The following MYH15 variants were observed in gnomAD, a reference collection of about 807,000 sequenced individuals.
MYH15 encodes the protein myosin heavy chain 15, also known as myosin-15.
Under a neutral mutation model 240.5 loss-of-function variants are expected in MYH15, and 227 were observed. The observed-to-expected ratio is 0.94, with a 90% CI of 0.85 to 1.05. The LOEUF is 1.05. Among genes scored for constraint, MYH15 ranks in the 50% least tolerant of loss-of-function variants. MYH15 has a pLI of 0.00. For synonymous variants in MYH15, 785 were observed against 796.7 expected, an observed-to-expected ratio of 0.99 and a Z score of 0.25; for missense variants, 2,217 against 2,247.5, an observed-to-expected ratio of 0.99 and a Z score of 0.27.
At position 108,455,763 on chromosome 3, in the gene MYH15, A is replaced by G. The variant is rs755262522; in HGVS notation, c.2235T>C (p.His745=). The change falls in exon 20 of 41, where the codon CAT becomes CAC. Residue 745 remains histidine (H), a synonymous_variant. Transcript: ENST00000693548. ...TAGTGATTCCAAATCGGTACTGGGTATGGTCTATCTCCAAGGAGCCAAGTA... is the reference window on the plus strand; with the variant it reads ...TAGTGATTCCAAATCGGTACTGGGTGTGGTCTATCTCCAAGGAGCCAAGTA... ...EELLGSLEID[H]TQYRFGITKV... is the part of the protein sequence containing the mutation. 9 of 1,613,722 alleles carry G rather than the reference A, an allele frequency of 5.6e-6. No homozygotes were observed. The highest frequency in any genetic ancestry group is 2.7e-5 in the African/African-American group (2 of 74,910).
chr3:108,441,052 T>C lies in MYH15; in HGVS notation c.2864A>G (p.Lys955Arg). The change falls in exon 23 of 41, where the codon AAG becomes AGG. Residue 955 changes from lysine (K) to arginine (R), a missense_variant. Lys to Arg is a conservative substitution (Grantham distance 26). Transcript: ENST00000693548. ...EIDDLETMLV[K>R]SEKEKRTTEH... ...TGTAGTACGCTTCTCCTTCTCTGAC[T>C]TCACCAACATTGTTTCCAGGTCATC... 1 of 1,614,170 alleles carries C rather than the reference T, an allele frequency of 6.2e-7. No homozygotes were observed. The highest frequency in any genetic ancestry group is 8.5e-7 in the Non-Finnish European group (1 of 1,180,004).
Position 108,423,366 on chromosome 3 carries a change from G to A in MYH15, c.3703-2152C>T, listed in dbSNP as rs116273454. ...TGTTATGTAGTTCCAGTTCACAGATGTCCTACAGCACACCCAAGCTTGGTA... is the reference window on the plus strand; with the variant it reads ...TGTTATGTAGTTCCAGTTCACAGATATCCTACAGCACACCCAAGCTTGGTA... On this transcript the variant is annotated intron_variant, in intron 27 of 40. Coordinates refer to ENST00000693548, the MANE Select transcript of MYH15 (RefSeq NM_014981.3). 4.8e-3 allele frequency among the ~76,000 whole-genome samples: 724 copies of A among 152,288 alleles called. 12 individuals are homozygous for A. Among genetic ancestry groups the A allele is most frequent in the Admixed American group, 0.026 (401 of 15,292 alleles).
intron 33 of MYH15, among the ~76,000 whole-genome samples, chr3:108,400,627 G>A (rs570307847): frequency 2.6e-5 from 4 of 152,172 alleles, no homozygotes; most frequent in South Asian, 2.1e-4. Flanking sequence ...TGGCCAACAC[G>A]GTGAAATCCC....
At chr3:108,478,939 T>C (rs933658216) in intron 11 of MYH15, among the ~76,000 whole-genome samples, 1 of 152,276 alleles carries the variant, frequency 6.6e-6, no homozygotes, top group South Asian at 2.1e-4. Flanking sequence ...ACTCCAGAGA[T>C]AGTTGAGTAT....
intron 26 of MYH15, among the ~76,000 whole-genome samples, chr3:108,430,269 G>A (rs2082767814): frequency 6.6e-6 from 1 of 152,160 alleles, no homozygotes; most frequent in African/African-American, 2.4e-5. Flanking sequence ...ATCTAAATGT[G>A]TATGTGTGCA....
chr3:108,473,782 T>C (rs774976490), intron 12 of MYH15, among the ~76,000 whole-genome samples: 30 of 152,300 alleles, frequency 2.0e-4, no homozygotes, highest in Admixed American at 6.5e-4. Context: ...AGATCCTTAG[T>C]TCTTGATAGT....
At chr3:108,474,466 A>AT (rs1443725940) in intron 12 of MYH15, among the ~76,000 whole-genome samples, 2 of 144,256 alleles carry the variant, frequency 1.4e-5, no homozygotes, top group African/African-American at 2.6e-5. Context: ...TTTTTTTTTT[A>AT]TTTTTTATTT....
At chr3:108,547,016 C>T in the MYH15 span, among the ~76,000 whole-genome samples, 2 of 151,860 alleles carry the variant, frequency 1.3e-5, no homozygotes, top group African/African-American at 4.8e-5. Context: ...ATTTCAAGGA[C>T]TTATCATGCT....
Position 108,444,733 on chromosome 3 carries a change from G to C in MYH15, c.2562C>G (p.Ala854=). Residue 854 remains alanine, a synonymous_variant, in exon 22 of 41, where the codon GCC becomes GCG. Coordinates refer to ENST00000693548, the MANE Select transcript of MYH15 (RefSeq NM_014981.3). ...CCCTCTGAAACTCTGATTTCTCCAA[G>C]GCTTTCTGTAATTGTGCACACTCTT... ...LKEECAQLQK[A]LEKSEFQREE... 3 of 1,613,926 alleles carry C rather than the reference G, an allele frequency of 1.9e-6. No homozygotes were observed. The highest frequency in any genetic ancestry group is 2.5e-6 in the Non-Finnish European group (3 of 1,179,936).
chr3:108,492,445 A>T, intron 9 of MYH15, 55 bp downstream of exon 9: 1 of 1,316,604 alleles, frequency 7.6e-7, no homozygotes, highest in Non-Finnish European at 1.1e-6. Context: ...TCCCCCAAAT[A>T]TGACTTATTT....
the MYH15 span, among the ~76,000 whole-genome samples, chr3:108,542,988 C>A: frequency 6.7e-6 from 1 of 149,712 alleles, no homozygotes; most frequent in Non-Finnish European, 1.5e-5. Context: ...TCAAGTGATT[C>A]TCCTGCCTCA....
rs144717121 is a variant in MYH15, at chr3:108,403,206, C to T, written c.4736+2132G>A. ...AGGCTGGGCTCATTCAGAATCAGGCCTCACCAGAGTGGAAGACATGGCTTG... is the reference window on the plus strand; with the variant it reads ...AGGCTGGGCTCATTCAGAATCAGGCTTCACCAGAGTGGAAGACATGGCTTG... On this transcript the variant is annotated intron_variant, in intron 33 of 40. Coordinates refer to ENST00000693548, the MANE Select transcript of MYH15 (RefSeq NM_014981.3). 7.4e-4 allele frequency among the ~76,000 whole-genome samples: 112 copies of T among 152,308 alleles called. 1 individual carries two copies. In the East Asian group the frequency reaches 0.021, roughly 28 times the overall value.
At chr3:108,496,704 T>G (rs1362973913) in intron 6 of MYH15, among the ~76,000 whole-genome samples, 1 of 151,644 alleles carries the variant, frequency 6.6e-6, no homozygotes, top group Non-Finnish European at 1.5e-5. Flanking sequence ...ACATTATATA[T>G]ATATGAGCAA....
At position 108,463,120 on chromosome 3, in the gene MYH15, T is replaced by C. The variant is rs1418094358; in HGVS notation, c.1855A>G (p.Thr619Ala). ...LASLFENYMS[T>A]DSAIPFGEKK... ...AGATTGTATGACTCACCACTGTCAG[T>C]ACTCATGTAATTTTCAAAAAGGCTC... The change falls in exon 16 of 41, where the codon ACT becomes GCT. Residue 619 changes from threonine to alanine, a missense_variant. By Grantham distance (58) the Thr-to-Ala change is moderately conservative (BLOSUM62 0). Coordinates refer to ENST00000693548, the MANE Select transcript of MYH15 (RefSeq NM_014981.3). 1 of 1,610,162 alleles carries C rather than the reference T, an allele frequency of 6.2e-7. No homozygotes were observed. Among genetic ancestry groups the C allele is most frequent in the Admixed American group, 1.7e-5 (1 of 59,116 alleles).
At position 108,419,199 on chromosome 3, in the gene MYH15, C is replaced by T. The variant is rs115925946; in HGVS notation, c.3829+1889G>A. On this transcript the variant is annotated intron_variant, in intron 28 of 40. Transcript: ENST00000693548. ...GACAGAACAGGGCATGAGAAAGAAA[C>T]TTTGGTGATAGCCACCAACAAAAAA... 8.9e-3 allele frequency among the ~76,000 whole-genome samples: 1,354 copies of T among 152,206 alleles called. 15 individuals carry two copies. The highest frequency in any genetic ancestry group is 0.031 in the African/African-American group (1,291 of 41,526).
intron 1 of MYH15, among the ~76,000 whole-genome samples, chr3:108,507,568 A>G (rs991841836): frequency 2.0e-5 from 3 of 152,072 alleles, no homozygotes; most frequent in Admixed American, 6.5e-5. Flanking sequence ...AGTGTGTACA[A>G]AGGAGCTGAA....
intron 21 of MYH15, among the ~76,000 whole-genome samples, chr3:108,451,856 C>T (rs1303760345): frequency 6.6e-6 from 1 of 151,946 alleles, no homozygotes; most frequent in Non-Finnish European, 1.5e-5. Flanking sequence ...TATTTCCACA[C>T]ATTTATAGAT....
In MYH15 at chr3:108,470,094, A is replaced by G. The variant is rs1163895980; in HGVS notation, c.1502T>C (p.Val501Ala). 6.2e-7 allele frequency: 1 copy of G among 1,612,176 alleles called. No individual in the cohort carries two copies. Among genetic ancestry groups the G allele is most frequent in the African/African-American group, 1.3e-5 (1 of 74,764 alleles). ...CAAATCCAGACCAAAGCCAATAGAC[A>G]CCCATTCAATGCTTTCTTTCTTATA... ...EEYKKESIEW[V>A]SIGFGLDLQA... Residue 501 changes from valine to alanine, a missense_variant, in exon 14 of 41, where the codon GTG (valine) becomes GCG (alanine). Val to Ala is a moderately conservative substitution (Grantham distance 64). Coordinates refer to ENST00000693548, the MANE Select transcript of MYH15 (RefSeq NM_014981.3).
intron 35 of MYH15, among the ~76,000 whole-genome samples, chr3:108,395,635 C>CTT (rs10708448): frequency 0.18 from 24,619 of 135,404 alleles, 2,330 homozygotes; most frequent in African/African-American, 0.22. Context: ...TTTTTTCTTT[C>CTT]TTTTTTTTTT....
Sources: gnomAD v4.1 joint callset for allele counts (sites outside exome capture counted in the v4.1 genomes callset) on GRCh38, gnomAD v4.1.1 for gene constraint, MANE v1.5 for transcripts, NCBI Gene and HGNC (gene_info 2026-07-23, HGNC 2026-07-21) for gene names.